The following ENTPD3 variants were observed in gnomAD, a reference collection of about 807,000 sequenced individuals.
ENTPD3 encodes CD39 antigen-like 3.
A neutral mutation model predicts 51.2 loss-of-function variants in ENTPD3; 60 were observed. The ratio of observed to expected loss-of-function variants is 1.17; its 90% CI spans 0.95 to 1.45. The LOEUF (loss-of-function observed/expected upper bound fraction) is 1.45. Ranked by LOEUF, ENTPD3 falls within the 40% of genes most tolerant of loss-of-function variation. The pLI is 0.00. For synonymous variants in ENTPD3, 221 were observed against 238.4 expected (o/e 0.93, Z 0.67); for missense variants, 593 against 641.1 (o/e 0.93, Z 0.81).
intron 10 of ENTPD3, chr3:40,424,218 CTGTCTTGG>C: frequency 3.1e-6 from 3 of 957,048 alleles, no homozygotes; most frequent in African/African-American, 3.5e-5. Context: ...GGGCAGAGAC[CTGTCTTGG>C]TATCTTCATA....
chr3:40,426,083 G>A (rs1379231936), intron 10 of ENTPD3, among the ~76,000 whole-genome samples: 2 of 149,662 alleles, frequency 1.3e-5, no homozygotes, highest in Non-Finnish European at 3.0e-5. Flanking sequence ...AGGAAACACA[G>A]AGATATCTTT....
intron 10 of ENTPD3, among the ~76,000 whole-genome samples, chr3:40,425,230 C>T (rs909049631): frequency 2.0e-5 from 3 of 151,786 alleles, no homozygotes; most frequent in Admixed American, 6.6e-5. Flanking sequence ...CCAGCCTGAC[C>T]AACATGGAGA....
intron 5 of ENTPD3, among the ~76,000 whole-genome samples, chr3:40,413,515 A>C (rs1235558470): frequency 6.6e-6 from 1 of 152,186 alleles, no homozygotes; most frequent in Non-Finnish European, 1.5e-5. Flanking sequence ...TTATGACTTA[A>C]GTAGACTTCT....
intron 4 of ENTPD3, among the ~76,000 whole-genome samples, chr3:40,411,292 G>GAAAAAAAAA: frequency 1.2e-5 from 1 of 80,294 alleles, no homozygotes; most frequent in African/African-American, 6.0e-5. Flanking sequence ...CTCTGTCTCA[G>GAAAAAAAAA]AAAAAAAAAA....
intron 3 of ENTPD3, 45 bp from the exon 4 acceptor site, chr3:40,400,849 G>C: frequency 1.3e-6 from 2 of 1,492,524 alleles, no homozygotes; most frequent in African/African-American, 1.4e-5. Context: ...GCAGTCCTCA[G>C]AGGAGTCCCG....
At chr3:40,424,316 G>A (rs1206411503) in intron 10 of ENTPD3, 6 of 299,564 alleles carry the variant, frequency 2.0e-5, no homozygotes, top group African/African-American at 1.4e-4. Context: ...AATATGTTAA[G>A]GATATGAGAC....
intron 3 of ENTPD3, among the ~76,000 whole-genome samples, chr3:40,399,152 T>G (rs1318341251): frequency 6.6e-6 from 1 of 152,038 alleles, no homozygotes; most frequent in Non-Finnish European, 1.5e-5. Context: ...GCCTGAGAAG[T>G]TGAGGCTGCA....
chr3:40,419,931 T>C (rs1394909226), intron 7 of ENTPD3, among the ~76,000 whole-genome samples: 2 of 152,198 alleles, frequency 1.3e-5, no homozygotes, highest in Non-Finnish European at 2.9e-5. Flanking sequence ...GACTGTTGAA[T>C]GTTGAATGCC....
At position 40,423,365 on chromosome 3, in the gene ENTPD3, C is replaced by T. The variant is rs372939267; in HGVS notation, c.1179C>T (p.Ser393=). ...GCTTTTCCCTGGACACCTTCAACTC[C>T]AGCACCTGGAATTTCTGCTCACAGA... ...SGSFSLDTFN[S]STWNFCSQNW... is the part of the protein sequence containing the mutation. The change falls in exon 9 of 11, where the codon TCC becomes TCT. Residue 393 remains serine (S), a synonymous_variant. Transcript: ENST00000301825. 6.2e-7 allele frequency: 1 copy of T among 1,613,800 alleles called. No individual in the cohort carries two copies. Among genetic ancestry groups the T allele is most frequent in the African/African-American group, 1.3e-5 (1 of 74,904 alleles).
intron 3 of ENTPD3, among the ~76,000 whole-genome samples, chr3:40,392,989 C>CAA (rs79999441): frequency 3.0e-5 from 4 of 131,552 alleles, no homozygotes; most frequent in Non-Finnish European, 1.7e-5. Flanking sequence ...ACCCCCCCGG[C>CAA]AAAAAAAAAA....
intron 4 of ENTPD3, among the ~76,000 whole-genome samples, chr3:40,406,176 T>C (rs543395722): frequency 6.6e-4 from 100 of 152,248 alleles, no homozygotes; most frequent in African/African-American, 2.4e-3. Flanking sequence ...ATATGACAGC[T>C]AGGCAGAGAC....
At chr3:40,403,653 ATTTTTT>A (rs112252461) in intron 4 of ENTPD3, among the ~76,000 whole-genome samples, 12 of 139,978 alleles carry the variant, frequency 8.6e-5, no homozygotes, top group African/African-American at 3.2e-4. Context: ...TTTTCCTTTA[ATTTTTT>A]TTTTTTTTTT....
At chr3:40,407,229 G>A (rs143508608) in intron 4 of ENTPD3, among the ~76,000 whole-genome samples, 353 of 151,998 alleles carry the variant, frequency 2.3e-3, no homozygotes, top group Non-Finnish European at 2.7e-3. Flanking sequence ...AGAGCTACAC[G>A]ATAAATATTT....
intron 4 of ENTPD3, among the ~76,000 whole-genome samples, chr3:40,407,117 A>G (rs978889891): frequency 3.3e-5 from 5 of 152,164 alleles, no homozygotes; most frequent in African/African-American, 1.2e-4. Flanking sequence ...GGAGTGGAGC[A>G]TATTGGGGGC....
intron 7 of ENTPD3, among the ~76,000 whole-genome samples, chr3:40,422,373 ATACTT>A (rs1955895778): frequency 7.2e-6 from 1 of 138,736 alleles, no homozygotes; most frequent in African/African-American, 2.7e-5. Context: ...TATTATTATT[ATACTT>A]TAAGTTTTAG....
At position 40,394,928 on chromosome 3, in the gene ENTPD3, G is replaced by GT. The variant is rs149117490; in HGVS notation, c.168+2781dup. 6.7e-3 allele frequency among the ~76,000 whole-genome samples: 1,015 copies of GT among 152,266 alleles called. 7 individuals are homozygous for GT. The highest frequency in any genetic ancestry group is 0.014 in the African/African-American group (576 of 41,564). ...CTCTCTCTATGACCCAAACGAATGT[G>GT]TTTACCCAGAGCCCATGTTTCCCCT... is the stretch of plus-strand genomic sequence containing the variant. On this transcript the variant is annotated intron_variant, in intron 3 of 10. Transcript: ENST00000301825.
At chr3:40,401,149 T>C in intron 4 of ENTPD3, 138 bp downstream of exon 4, 2 of 701,384 alleles carry the variant, frequency 2.9e-6, no homozygotes, top group South Asian at 1.7e-5. Flanking sequence ...AAATAGGAGA[T>C]CGTGTGCTAG....
chr3:40,406,044 CA>C lies in ENTPD3; in HGVS notation c.286+5040del, dbSNP rs570746239. ...CTTGCATTCCAATGAGGAAGATAGACAAAAAAATAAACGGGCATATAACGAG... is the reference window on the plus strand; with the variant it reads ...CTTGCATTCCAATGAGGAAGATAGACAAAAAATAAACGGGCATATAACGAG... On this transcript the variant is annotated intron_variant, in intron 4 of 10. Transcript: ENST00000301825. Among the ~76,000 whole-genome samples the C allele has an allele frequency of 1.3e-4, 19 of 151,884 alleles. No homozygotes were observed. The South Asian group carries it at 3.9e-3, about 32-fold the overall frequency.
At chr3:40,420,475 G>A (rs889982450) in intron 7 of ENTPD3, among the ~76,000 whole-genome samples, 9 of 151,846 alleles carry the variant, frequency 5.9e-5, no homozygotes, top group Admixed American at 3.9e-4. Context: ...TCCTGACCTC[G>A]TGATCCGCCC....
Sources: allele counts gnomAD v4.1 joint callset (sites outside exome capture counted in the v4.1 genomes callset), GRCh38; gene constraint gnomAD v4.1.1; transcripts MANE v1.5; gene names NCBI Gene and HGNC (gene_info 2026-07-23, HGNC 2026-07-21).